Variants in DNAAF4 observed in about 807,000 individuals in gnomAD.
The protein encoded by DNAAF4 is dynein assembly factor 4, axonemal.
Under a neutral mutation model 51.8 loss-of-function variants are expected in DNAAF4, and 43 were observed. The ratio of observed to expected loss-of-function variants is 0.83; its 90% confidence interval spans 0.65 to 1.07. DNAAF4 has a LOEUF of 1.07. Among genes scored for constraint, DNAAF4 ranks in the 50% least tolerant of loss-of-function variants. DNAAF4 has a pLI of 0.00. For missense variants in DNAAF4, 581 were observed against 493.0 expected, an observed-to-expected ratio of 1.18 and a Z score of -1.69; for synonymous variants, 194 against 165.6, an observed-to-expected ratio of 1.17 and a Z score of -1.32.
At chr15:55,433,838 TTA>T (rs1458092275) in intron 8 of DNAAF4, among the ~76,000 whole-genome samples, 3 of 68,768 alleles carry the variant, frequency 4.4e-5, no homozygotes, top group East Asian at 6.7e-4. Context: ...ATTACATATA[TTA>T]TATATTATAT....
intron 3 of DNAAF4, 140 bp from the exon 4 acceptor site, chr15:55,491,396 T>A: frequency 1.2e-6 from 1 of 843,490 alleles, no homozygotes; most frequent in Non-Finnish European, 1.8e-6. Flanking sequence ...TTTTTCAATA[T>A]TAAACTGGCC....
chr15:55,504,612 A>T (rs2058716896), intron 1 of DNAAF4, among the ~76,000 whole-genome samples: 1 of 152,198 alleles, frequency 6.6e-6, no homozygotes, highest in East Asian at 1.9e-4. Context: ...CTCAGAAATA[A>T]CACTATACAT....
intron 4 of DNAAF4, among the ~76,000 whole-genome samples, chr15:55,476,186 A>T (rs1166888195): frequency 6.6e-6 from 1 of 152,160 alleles, no homozygotes; most frequent in Non-Finnish European, 1.5e-5. Context: ...AGGGCAGGGC[A>T]TGGGGAGGTG....
chr15:55,448,514 A>AAG (rs1334579833), intron 6 of DNAAF4, among the ~76,000 whole-genome samples: 1 of 69,874 alleles, frequency 1.4e-5, no homozygotes, highest in Non-Finnish European at 3.0e-5. Flanking sequence ...AAAAAAAAAA[A>AAG]AAAGGGTGTG....
intron 7 of DNAAF4, among the ~76,000 whole-genome samples, chr15:55,422,812 C>A (rs1311354332): frequency 6.6e-6 from 1 of 152,090 alleles, no homozygotes; most frequent in African/African-American, 2.4e-5. Context: ...ACCTGGCCAA[C>A]ATGGTGAAAC....
At chr15:55,486,194 GTTTTT>G in intron 4 of DNAAF4, among the ~76,000 whole-genome samples, 1 of 131,500 alleles carries the variant, frequency 7.6e-6, no homozygotes, top group Non-Finnish European at 1.6e-5. Context: ...TGGTTGGTTG[GTTTTT>G]TTTTTTTTTG....
chr15:55,497,409 T>A (rs946294087), intron 3 of DNAAF4, among the ~76,000 whole-genome samples: 1 of 151,884 alleles, frequency 6.6e-6, no homozygotes, highest in African/African-American at 2.4e-5. Flanking sequence ...GAGACCAGCC[T>A]GGCCAACATG....
chr15:55,449,696 CTTTTTTTTT>C (rs368060926), intron 6 of DNAAF4, among the ~76,000 whole-genome samples: 14 of 91,728 alleles, frequency 1.5e-4, no homozygotes, highest in Admixed American at 4.7e-4. Context: ...AAAAAGACCG[CTTTTTTTTT>C]TTTTTTTTTT....
At chr15:55,433,971 T>A (rs796131978) in intron 8 of DNAAF4, among the ~76,000 whole-genome samples, 18 of 16,042 alleles carry the variant, frequency 1.1e-3, no homozygotes, top group South Asian at 2.4e-3. Flanking sequence ...ATAATATATT[T>A]TATATATTAT....
intron 9 of DNAAF4, 112 bp downstream of exon 9, chr15:55,432,385 T>C (rs1175144598): frequency 1.4e-6 from 1 of 704,020 alleles, no homozygotes; most frequent in Non-Finnish European, 2.3e-6. Context: ...ATAAATTAAA[T>C]GCTAAAAATA....
chr15:55,460,408 G>C (rs1035378628), intron 5 of DNAAF4, among the ~76,000 whole-genome samples: 3 of 151,502 alleles, frequency 2.0e-5, no homozygotes, highest in Non-Finnish European at 4.4e-5. Flanking sequence ...TCAAACTCCT[G>C]ACCACCCGTG....
At chr15:55,451,823 G>T (rs569913612) in intron 5 of DNAAF4, among the ~76,000 whole-genome samples, 3 of 151,920 alleles carry the variant, frequency 2.0e-5, no homozygotes, top group Non-Finnish European at 4.4e-5. Context: ...GTCTTGTTTT[G>T]TTGCCCAGGC....
chr15:55,498,211 A>T lies in DNAAF4; in HGVS notation c.119T>A (p.Leu40Gln). ...AGGCAAGACTTGCATTCTTACCTTC[A>T]GATAGTTTTCCGTGCAGAACACGTC... ...DTDVFCTENY[L>Q]KVNFPPFLFE... is the part of the protein sequence containing the mutation. Residue 40 changes from leucine (L) to glutamine (Q), a missense_variant, in exon 2 of 10, where the codon CTG becomes CAG. Leu to Gln is a moderately radical substitution (Grantham distance 113). Transcript: ENST00000321149. 6.2e-7 allele frequency: 1 copy of T among 1,614,034 alleles called. No individual in the cohort carries two copies. Among genetic ancestry groups the T allele is most frequent in the Non-Finnish European group, 8.5e-7 (1 of 1,179,966 alleles).
At chr15:55,440,944 G>A (rs1237385979) in intron 6 of DNAAF4, among the ~76,000 whole-genome samples, 1 of 152,020 alleles carries the variant, frequency 6.6e-6, no homozygotes, top group Non-Finnish European at 1.5e-5. Flanking sequence ...GCCTCCCAAA[G>A]TGCTGGGGTT....
At chr15:55,439,373 G>C in intron 7 of DNAAF4, 99 bp downstream of exon 7, 1 of 1,020,618 alleles carries the variant, frequency 9.8e-7, no homozygotes, top group Non-Finnish European at 1.5e-6. Flanking sequence ...GCCTCCCAAA[G>C]GGCTGGGATT....
chr15:55,492,385 T>C (rs1482782730), intron 3 of DNAAF4, among the ~76,000 whole-genome samples: 3 of 151,034 alleles, frequency 2.0e-5, no homozygotes, highest in African/African-American at 7.3e-5. Flanking sequence ...CAGGCATGGG[T>C]TCTTAACCTT....
At chr15:55,448,630 G>A (rs1567010699) in intron 6 of DNAAF4, among the ~76,000 whole-genome samples, 1 of 151,626 alleles carries the variant, frequency 6.6e-6, no homozygotes, top group Admixed American at 6.6e-5. Flanking sequence ...AGCACTTTGG[G>A]AGGCCGAGGT....
At chr15:55,451,351 C>T (rs1379474769) in intron 5 of DNAAF4, among the ~76,000 whole-genome samples, 6 of 152,128 alleles carry the variant, frequency 3.9e-5, no homozygotes, top group East Asian at 1.9e-4. Flanking sequence ...TTACAATGCT[C>T]GGCTTGAACC....
At chr15:55,462,197 G>GA (rs2058102692) in intron 5 of DNAAF4, among the ~76,000 whole-genome samples, 1 of 146,456 alleles carries the variant, frequency 6.8e-6, no homozygotes, top group South Asian at 2.2e-4. Context: ...TTCACAGCTG[G>GA]TTTTTTTTTT....
Sources: allele counts gnomAD v4.1 joint callset (sites outside exome capture counted in the v4.1 genomes callset), GRCh38; gene constraint gnomAD v4.1.1; transcripts MANE v1.5; gene names NCBI Gene and HGNC (gene_info 2026-07-23, HGNC 2026-07-21).